PDE4D: variants seen among roughly 807,000 people sequenced by gnomAD.
The protein encoded by PDE4D is 3',5'-cyclic-AMP phosphodiesterase 4D.
In PDE4D, 24 loss-of-function variants were observed where a neutral mutation model predicts 87.4. That is an observed-to-expected ratio of 0.27 (90% CI 0.20 to 0.39). The LOEUF is 0.39. Ranked by LOEUF, PDE4D falls within the 10% of genes least tolerant of loss-of-function variation. The pLI is 1.00. For missense variants in PDE4D, 714 were observed against 1,041.0 expected (o/e 0.69, Z 4.32); for synonymous variants, 384 against 383.2 (o/e 1.00, Z -0.02).
chr5:60,425,914 C>A (rs1743667758), intron 1 of PDE4D, among the ~76,000 whole-genome samples: 1 of 152,140 alleles, frequency 6.6e-6, no homozygotes, highest in African/African-American at 2.4e-5. Context: ...ATTTATGCAG[C>A]CAACAGACAC....
chr5:59,187,131 T>C (rs1416839766), intron 3 of PDE4D, among the ~76,000 whole-genome samples: 39 of 152,164 alleles, frequency 2.6e-4, no homozygotes. Context: ...GACATAGAAA[T>C]GCAGGCAACT....
intron 1 of PDE4D, among the ~76,000 whole-genome samples, chr5:60,481,471 A>T (rs1748726943): frequency 6.6e-6 from 1 of 152,150 alleles, no homozygotes; most frequent in Non-Finnish European, 1.5e-5. Flanking sequence ...CTTATGTTAG[A>T]TGCACCATTT....
chr5:58,977,439 T>A, intron 11 of PDE4D, 94 bp from the exon 12 acceptor site: 1 of 1,115,100 alleles, frequency 9.0e-7, no homozygotes, highest in Non-Finnish European at 1.3e-6. Context: ...TAATTTCCCC[T>A]AAACTTCTCT....
intron 2 of PDE4D, among the ~76,000 whole-genome samples, chr5:60,078,252 T>C (rs1773532431): frequency 6.6e-6 from 1 of 152,222 alleles, no homozygotes; most frequent in Non-Finnish European, 1.5e-5. Flanking sequence ...ATCAGAGTTG[T>C]GCTCTCTAGG....
At chr5:60,279,684 CTTT>C (rs34720711) in intron 1 of PDE4D, among the ~76,000 whole-genome samples, 1 of 138,630 alleles carries the variant, frequency 7.2e-6, no homozygotes, top group Non-Finnish European at 1.6e-5. Flanking sequence ...TTGTTGATTT[CTTT>C]TTTTTTTTTT....
chr5:60,495,348 G>A (rs920127983), intron 1 of PDE4D, among the ~76,000 whole-genome samples: 4 of 152,138 alleles, frequency 2.6e-5, no homozygotes, highest in Non-Finnish European at 5.9e-5. Context: ...ATGTGCATAA[G>A]GATGATGACC....
At chr5:60,385,625 G>A (rs1431290107) in intron 1 of PDE4D, among the ~76,000 whole-genome samples, 1 of 152,206 alleles carries the variant, frequency 6.6e-6, no homozygotes, top group Non-Finnish European at 1.5e-5. Context: ...TCCATGACCT[G>A]TGTCCTACTT....
rs1755528478 is a variant in PDE4D, at chr5:60,315,848, C to T, written c.-89-130161G>A. 2.0e-5 allele frequency among the ~76,000 whole-genome samples: 3 copies of T among 151,900 alleles called. No homozygotes were observed. In the South Asian group the frequency reaches 6.2e-4, roughly 31 times the overall value. On this transcript the variant is annotated intron_variant, in intron 1 of 16. Transcript: ENST00000502484. ...TCTGTTCTGTTCCATTGGTCTATAT[C>T]TCTGTTTTGGTACCAGTACCATGCT... is the stretch of plus-strand genomic sequence containing the variant.
At chr5:59,754,181 T>G (rs1480509244) in intron 1 of PDE4D, among the ~76,000 whole-genome samples, 1 of 151,944 alleles carries the variant, frequency 6.6e-6, no homozygotes, top group Non-Finnish European at 1.5e-5. Context: ...AATATAAAAA[T>G]TAGGCGGGTA....
At position 59,322,299 on chromosome 5, in the gene PDE4D, A is replaced by G. The variant is rs538658329; in HGVS notation, c.456-106331T>C. 1.6e-3 allele frequency among the ~76,000 whole-genome samples: 246 copies of G among 152,286 alleles called. 1 individual carries two copies. Among genetic ancestry groups the G allele is most frequent in the African/African-American group, 5.4e-3 (225 of 41,578 alleles). ...CAGTATTGCTGGTGATTGAGGGAAC[A>G]TAAACCTCTAGAGGAATGAACTGAT... On this transcript the variant is annotated intron_variant, in intron 1 of 14. Transcript: ENST00000340635.
chr5:59,639,126 A>G (rs1022669715), intron 1 of PDE4D, among the ~76,000 whole-genome samples: 1 of 152,136 alleles, frequency 6.6e-6, no homozygotes, highest in Non-Finnish European at 1.5e-5. Flanking sequence ...ATTTTTTATA[A>G]TATCATTTCC....
intron 1 of PDE4D, among the ~76,000 whole-genome samples, chr5:60,229,170 A>T (rs750673559): frequency 6.6e-6 from 1 of 152,134 alleles, no homozygotes. Flanking sequence ...TAAGACTATA[A>T]TTTAATAGTA....
chr5:60,455,450 C>T (rs754899070), intron 1 of PDE4D, among the ~76,000 whole-genome samples: 6 of 152,024 alleles, frequency 3.9e-5, no homozygotes, highest in Non-Finnish European at 7.4e-5. Flanking sequence ...AATCATTTTC[C>T]TGATCTTGAA....
intron 1 of PDE4D, among the ~76,000 whole-genome samples, chr5:60,225,251 G>A (rs1458155722): frequency 3.3e-5 from 5 of 152,048 alleles, no homozygotes; most frequent in Admixed American, 6.6e-5. Context: ...TCAACAGGCA[G>A]AGCAAACAGG....
At chr5:60,484,040 G>A (rs537049431) in intron 1 of PDE4D, among the ~76,000 whole-genome samples, 1 of 152,080 alleles carries the variant, frequency 6.6e-6, no homozygotes, top group South Asian at 2.1e-4. Context: ...ATTCAAAACT[G>A]CTAATTGATC....
chr5:60,112,630 C>T (rs1352538131), intron 2 of PDE4D, among the ~76,000 whole-genome samples: 1 of 152,036 alleles, frequency 6.6e-6, no homozygotes, highest in Non-Finnish European at 1.5e-5. Flanking sequence ...TAAACTCTGG[C>T]TAAGAGGTAA....
chr5:59,175,612 C>T lies in PDE4D; in HGVS notation c.808+4983G>A, dbSNP rs138274524. On this transcript the variant is annotated intron_variant, in intron 5 of 14. Transcript: ENST00000340635. ...TTTCCTGTCTCAGCCTCCCGAGTAGCTGGGATTACAGGCACCTGCCACCAC... is the reference window on the plus strand; with the variant it reads ...TTTCCTGTCTCAGCCTCCCGAGTAGTTGGGATTACAGGCACCTGCCACCAC... 7.5e-3 allele frequency among the ~76,000 whole-genome samples: 1,132 copies of T among 150,390 alleles called. 10 individuals carry two copies. The highest frequency in any genetic ancestry group is 0.025 in the African/African-American group (1,021 of 41,062).
upstream of PDE4D, among the ~76,000 whole-genome samples, chr5:59,898,447 G>A (rs75601850): frequency 5.4e-3 from 830 of 152,320 alleles, 12 homozygotes; most frequent in African/African-American, 0.019. Context: ...GATATGTAGT[G>A]TCTGCTGGAA....
intron 2 of PDE4D, among the ~76,000 whole-genome samples, chr5:60,081,025 G>A (rs1773866383): frequency 6.6e-6 from 1 of 152,066 alleles, no homozygotes; most frequent in African/African-American, 2.4e-5. Context: ...TTTTTTGGTT[G>A]GTAGGCCATT....
Sources: gnomAD v4.1 joint callset for allele counts (sites outside exome capture counted in the v4.1 genomes callset) on GRCh38, gnomAD v4.1.1 for gene constraint, MANE v1.5 for transcripts, NCBI Gene and HGNC (gene_info 2026-07-23, HGNC 2026-07-21) for gene names.